The following ATPAF1 variants were observed in gnomAD, a reference collection of about 807,000 sequenced individuals.
ATPAF1 encodes the protein ATP synthase mitochondrial F1 complex assembly factor 1.
A neutral mutation model predicts 43.9 loss-of-function variants in ATPAF1; 26 were observed. The ratio of observed to expected loss-of-function variants is 0.59; its 90% CI spans 0.43 to 0.82. The LOEUF (loss-of-function observed/expected upper bound fraction) is 0.82. ATPAF1 is among the 40% of genes least tolerant of loss of function. The pLI, the probability that ATPAF1 is intolerant of heterozygous loss-of-function variation, is 0.00. For synonymous variants in ATPAF1, 157 were observed against 168.0 expected (o/e 0.93, Z 0.50); for missense variants, 366 against 435.0 (o/e 0.84, Z 1.41).
chr1:46,646,572 G>C (rs903222299), intron 6 of ATPAF1, among the ~76,000 whole-genome samples: 2 of 152,192 alleles, frequency 1.3e-5, no homozygotes, highest in African/African-American at 4.8e-5. Context: ...ATACACATTA[G>C]TCACAAATTA....
chr1:46,655,027 G>T (rs1353852281), intron 4 of ATPAF1, among the ~76,000 whole-genome samples: 1 of 152,112 alleles, frequency 6.6e-6, no homozygotes, highest in East Asian at 1.9e-4. Context: ...GGTGGAAGGG[G>T]AAGCAAACAC....
At chr1:46,656,123 C>G (rs572009721) in intron 4 of ATPAF1, among the ~76,000 whole-genome samples, 1 of 152,014 alleles carries the variant, frequency 6.6e-6, no homozygotes, top group Non-Finnish European at 1.5e-5. Context: ...GGAAGGGACA[C>G]TTGGAACTGT....
chr1:46,653,931 T>C lies in ATPAF1; in HGVS notation c.490-64A>G, dbSNP rs150528437. Reference sequence around the variant, plus strand: ...AATCTTTTCAACATGTGCCAAGAAATGGTGACAGTTTTCATTGCTCAGAGG... The same window carrying C: ...AATCTTTTCAACATGTGCCAAGAAACGGTGACAGTTTTCATTGCTCAGAGG... On this transcript the variant is annotated intron_variant, in intron 4 of 8. Coordinates refer to ENST00000574428, the Ensembl canonical transcript of ATPAF1. This position sits in a 1 kb window ranked among gnomAD's most constrained non-coding sequence, Gnocchi z 4.8. The C allele has an allele frequency of 1.0e-5, 15 of 1,492,020 alleles. No individual in the cohort carries two copies. Among genetic ancestry groups the C allele is most frequent in the African/African-American group, 9.7e-5 (7 of 72,196 alleles). The allele number at this position is 1,492,020 out of a possible 1,614,324, so 92.4% of individuals were successfully genotyped here.
exon 9 of ATPAF1, chr1:46,635,765 C>T (rs749708465): frequency 1.2e-6 from 2 of 1,608,924 alleles, no homozygotes; most frequent in East Asian, 2.2e-5. Flanking sequence ...GAAGGGCCAA[C>T]CTGTACAGTT....
chr1:46,665,504 T>C (rs1676474386), intron 1 of ATPAF1, 140 bp from the exon 2 acceptor site: 2 of 1,190,388 alleles, frequency 1.7e-6, no homozygotes, highest in Non-Finnish European at 2.4e-6. Context: ...TAGTAAGAAC[T>C]GGGCACAGGC....
At chr1:46,654,464 TG>T (rs1389191755) in intron 4 of ATPAF1, among the ~76,000 whole-genome samples, 1 of 151,866 alleles carries the variant, frequency 6.6e-6, no homozygotes, top group Non-Finnish European at 1.5e-5. Context: ...TGTTAGATAT[TG>T]TATTAGTCCA....
At chr1:46,652,305 T>C (rs1339780684) in intron 6 of ATPAF1, 3 of 309,702 alleles carry the variant, frequency 9.7e-6, no homozygotes, top group Middle Eastern at 9.1e-4. Flanking sequence ...AAAGGGCTGA[T>C]GTGGTAGGGA....
At chr1:46,667,088 A>C (rs780222120) in intron 1 of ATPAF1, among the ~76,000 whole-genome samples, 1 of 152,226 alleles carries the variant, frequency 6.6e-6, no homozygotes, top group African/African-American at 2.4e-5. Context: ...CATTTACTGC[A>C]TAACTGTTTC....
downstream of ATPAF1, chr1:46,634,263 G>A (rs765591561): frequency 1.5e-5 from 3 of 203,242 alleles, no homozygotes; most frequent in Non-Finnish European, 2.0e-5. Context: ...ACCACATTCA[G>A]TGTCATATAA....
exon 2 of ATPAF1, chr1:46,665,270 A>G (rs1165808863): frequency 1.2e-6 from 2 of 1,614,148 alleles, no homozygotes; most frequent in African/African-American, 1.3e-5. Context: ...TGTTCCACAC[A>G]TTTGATAAAA....
intron 2 of ATPAF1, chr1:46,663,855 CA>C (rs763021501): frequency 9.3e-5 from 115 of 1,240,108 alleles, no homozygotes; most frequent in Non-Finnish European, 1.1e-4. Flanking sequence ...TTCTGCAGCC[CA>C]CACCTGGATT....
intron 1 of ATPAF1, 67 bp downstream of exon 1, chr1:46,667,990 A>G (rs1334070021): frequency 7.9e-7 from 1 of 1,259,856 alleles, no homozygotes; most frequent in East Asian, 3.2e-5. Flanking sequence ...GGCTGTCCTA[A>G]GGCCCAGCAG....
intron 6 of ATPAF1, among the ~76,000 whole-genome samples, chr1:46,647,917 G>T (rs1470725961): frequency 6.6e-6 from 1 of 152,022 alleles, no homozygotes; most frequent in Non-Finnish European, 1.5e-5. Flanking sequence ...ATATTTTCAG[G>T]TGCTTATCTG....
At chr1:46,651,707 T>C (rs1009846919) in intron 6 of ATPAF1, among the ~76,000 whole-genome samples, 5 of 152,190 alleles carry the variant, frequency 3.3e-5, no homozygotes, top group Admixed American at 2.0e-4. Context: ...AAAGAGCTTC[T>C]GCACAGCAAA....
intron 6 of ATPAF1, among the ~76,000 whole-genome samples, chr1:46,648,543 AT>A (rs1395332468): frequency 6.6e-6 from 1 of 151,984 alleles, no homozygotes; most frequent in Non-Finnish European, 1.5e-5. Flanking sequence ...TGCTTGAAAA[AT>A]TTTTTTTATA....
chr1:46,657,291 G>C (rs969044668), intron 4 of ATPAF1, among the ~76,000 whole-genome samples: 1 of 152,046 alleles, frequency 6.6e-6, no homozygotes, highest in African/African-American at 2.4e-5. Flanking sequence ...AAGAATGCCA[G>C]AAAAATAGCT....
intron 4 of ATPAF1, among the ~76,000 whole-genome samples, chr1:46,655,431 T>C (rs574618144): frequency 1.3e-5 from 2 of 151,964 alleles, no homozygotes; most frequent in South Asian, 4.2e-4. Flanking sequence ...ATGATGCAAA[T>C]ACCAAAAGGT....
intron 6 of ATPAF1, among the ~76,000 whole-genome samples, chr1:46,648,006 T>C (rs1351456501): frequency 6.6e-6 from 1 of 152,254 alleles, no homozygotes; most frequent in Admixed American, 6.5e-5. Flanking sequence ...ATTTCTGATA[T>C]AACTTGAGCT....
At chr1:46,644,948 C>T (rs182772081) in intron 7 of ATPAF1, among the ~76,000 whole-genome samples, 5 of 152,278 alleles carry the variant, frequency 3.3e-5, no homozygotes, top group Admixed American at 6.5e-5. Context: ...CAGAAGTAGT[C>T]AGAGAAGGTG....
Sources: allele counts gnomAD v4.1 joint callset (sites outside exome capture counted in the v4.1 genomes callset), GRCh38; gene constraint gnomAD v4.1.1; non-coding constraint Gnocchi (gnomAD v3.1); transcripts MANE v1.5; gene names NCBI Gene and HGNC (gene_info 2026-07-23, HGNC 2026-07-21).